Variants in NELL1 observed in about 807,000 individuals in gnomAD.
NELL1 encodes neural EGFL like 1, also known as protein kinase C-binding protein NELL1.
NELL1 carries 76 observed loss-of-function variants against 107.4 expected under a neutral mutation model. The ratio of observed to expected loss-of-function variants is 0.71; its 90% CI spans 0.59 to 0.86. NELL1 has a LOEUF of 0.86. NELL1 is among the 40% of genes least tolerant of loss of function. The probability of loss-of-function intolerance (pLI) is 0.00; values close to 1 mark genes in which losing one functional copy is unlikely to be tolerated. For missense variants in NELL1, 1,024 were observed against 1,005.5 expected, an observed-to-expected ratio of 1.02 and a Z score of -0.25; for synonymous variants, 353 against 341.2, an observed-to-expected ratio of 1.03 and a Z score of -0.38.
Position 21,145,675 on chromosome 11 carries a change from T to C in NELL1, c.1426+31961T>C, listed in dbSNP as rs1453992. 2.2e-3 allele frequency among the ~76,000 whole-genome samples: 333 copies of C among 152,256 alleles called. 3 individuals carry two copies. The highest frequency in any genetic ancestry group is 7.5e-3 in the African/African-American group (311 of 41,546). The stretch of plus-strand genomic sequence containing the variant: ...TGTCTTAGACATTTTTAGTAAGACA[T>C]GCCCAAGAAAAAGATGACTGGGTTC... On this transcript the variant is annotated intron_variant, in intron 13 of 19. Transcript: ENST00000357134.
chr11:21,282,609 T>C (rs1218640408), intron 14 of NELL1, among the ~76,000 whole-genome samples: 1 of 151,912 alleles, frequency 6.6e-6, no homozygotes, highest in Non-Finnish European at 1.5e-5. Flanking sequence ...TGGAGAACAG[T>C]TTGGAAGTTC....
At chr11:21,001,865 C>T (rs546881126) in intron 12 of NELL1, among the ~76,000 whole-genome samples, 1 of 152,040 alleles carries the variant, frequency 6.6e-6, no homozygotes, top group East Asian at 2.0e-4. Flanking sequence ...TCTGACTCAC[C>T]ACTTGCCAAT....
At chr11:21,356,904 T>C (rs1396140749) in intron 14 of NELL1, among the ~76,000 whole-genome samples, 1 of 152,200 alleles carries the variant, frequency 6.6e-6, no homozygotes, top group Non-Finnish European at 1.5e-5. Context: ...ACATACGATA[T>C]TTGGTTTTCC....
chr11:20,726,128 T>A (rs1407671424), intron 2 of NELL1, among the ~76,000 whole-genome samples: 2 of 152,246 alleles, frequency 1.3e-5, no homozygotes, highest in Non-Finnish European at 2.9e-5. Flanking sequence ...TACCACACTT[T>A]CCTTATCTAA....
At chr11:21,178,155 C>A (rs986664840) in intron 13 of NELL1, among the ~76,000 whole-genome samples, 1 of 151,758 alleles carries the variant, frequency 6.6e-6, no homozygotes, top group Non-Finnish European at 1.5e-5. Flanking sequence ...AATTAGTGAT[C>A]TAGTAAAAGA....
intron 15 of NELL1, among the ~76,000 whole-genome samples, chr11:21,422,795 A>G (rs796192768): frequency 4.6e-4 from 70 of 152,292 alleles, no homozygotes; most frequent in African/African-American, 1.7e-3. Flanking sequence ...AAAGTCATAT[A>G]GGAAACAAAT....
At chr11:20,738,613 G>A (rs1443453883) in intron 2 of NELL1, among the ~76,000 whole-genome samples, 1 of 152,118 alleles carries the variant, frequency 6.6e-6, no homozygotes, top group African/African-American at 2.4e-5. Flanking sequence ...TAATAGCCCA[G>A]GTTCTGGACT....
chr11:21,232,682 C>A (rs1858094514), intron 14 of NELL1, among the ~76,000 whole-genome samples: 1 of 152,104 alleles, frequency 6.6e-6, no homozygotes, highest in Non-Finnish European at 1.5e-5. Flanking sequence ...GAGACAGGGT[C>A]TTGCTCTGTC....
chr11:21,554,603 A>T, intron 16 of NELL1, among the ~76,000 whole-genome samples: 1 of 151,864 alleles, frequency 6.6e-6, no homozygotes, highest in East Asian at 1.9e-4. Context: ...TGAGAGAAAA[A>T]TTATAGAAAC....
chr11:21,389,045 C>G (rs1311693156), intron 15 of NELL1, among the ~76,000 whole-genome samples: 1 of 151,710 alleles, frequency 6.6e-6, no homozygotes, highest in African/African-American at 2.4e-5. Context: ...TACTAGTCCC[C>G]CATTTGCTGG....
At chr11:20,759,983 C>G (rs2133956218) in intron 2 of NELL1, among the ~76,000 whole-genome samples, 1 of 152,344 alleles carries the variant, frequency 6.6e-6, no homozygotes, top group Admixed American at 6.5e-5. Flanking sequence ...TGGCTCCAAC[C>G]CTGCCCAAAG....
intron 5 of NELL1, among the ~76,000 whole-genome samples, chr11:20,904,248 A>G (rs1286900385): frequency 1.3e-5 from 2 of 151,996 alleles, no homozygotes. Flanking sequence ...GCAGGCATTG[A>G]TTTATTGCAT....
At chr11:20,800,950 T>TA (rs970785867) in intron 3 of NELL1, among the ~76,000 whole-genome samples, 5 of 151,934 alleles carry the variant, frequency 3.3e-5, no homozygotes, top group East Asian at 1.9e-4. Flanking sequence ...CTTCCACAAT[T>TA]AAAAAAAACA....
intron 15 of NELL1, among the ~76,000 whole-genome samples, chr11:21,432,540 T>C (rs1225914855): frequency 6.6e-6 from 1 of 152,058 alleles, no homozygotes; most frequent in Non-Finnish European, 1.5e-5. Context: ...TATTACTTCC[T>C]GCAAAAAGGG....
intron 15 of NELL1, among the ~76,000 whole-genome samples, chr11:21,524,424 T>C (rs76275169): frequency 0.012 from 1,844 of 152,250 alleles, 41 homozygotes; most frequent in East Asian, 0.074. Context: ...ATAGAATGTA[T>C]GTCAGAATTA....
At chr11:21,180,284 G>A (rs1856801660) in intron 13 of NELL1, among the ~76,000 whole-genome samples, 1 of 151,796 alleles carries the variant, frequency 6.6e-6, no homozygotes, top group African/African-American at 2.4e-5. Flanking sequence ...GATTACAGTT[G>A]ATGCTTCCTT....
intron 5 of NELL1, among the ~76,000 whole-genome samples, chr11:20,899,997 C>T (rs1315675836): frequency 6.6e-6 from 1 of 152,106 alleles, no homozygotes; most frequent in Admixed American, 6.6e-5. Flanking sequence ...CAAAACAAAG[C>T]TTAATGGCTT....
intron 13 of NELL1, among the ~76,000 whole-genome samples, chr11:21,222,964 T>C (rs1240910505): frequency 1.3e-5 from 2 of 152,234 alleles, no homozygotes; most frequent in Non-Finnish European, 2.9e-5. Context: ...ATCTAACATA[T>C]GTTCTATCCT....
intron 15 of NELL1, among the ~76,000 whole-genome samples, chr11:21,409,512 T>C (rs1047947345): frequency 6.6e-6 from 1 of 151,740 alleles, no homozygotes; most frequent in Non-Finnish European, 1.5e-5. Context: ...AGCACACCAG[T>C]ATGGCACATG....
Sources: gnomAD v4.1 joint callset for allele counts (sites outside exome capture counted in the v4.1 genomes callset) on GRCh38, gnomAD v4.1.1 for gene constraint, MANE v1.5 for transcripts, NCBI Gene and HGNC (gene_info 2026-07-23, HGNC 2026-07-21) for gene names.